Variants in MFHAS1 observed in about 807,000 individuals in gnomAD.
MFHAS1 encodes malignant fibrous histiocytoma-amplified sequence 1.
A neutral mutation model predicts 70.4 loss-of-function variants in MFHAS1; 50 were observed. The ratio of observed to expected loss-of-function variants is 0.71; its 90% confidence interval spans 0.57 to 0.90. The LOEUF (loss-of-function observed/expected upper bound fraction) is 0.90, where lower values mean the gene tolerates loss of function less well. Among genes scored for constraint, MFHAS1 ranks in the 40% least tolerant of loss-of-function variants. The pLI is 0.00. For missense variants in MFHAS1, 1,795 were observed against 1,347.6 expected (o/e 1.33, Z -5.20); for synonymous variants, 952 against 620.0 (o/e 1.54, Z -7.96).
rs138720400 is a variant in MFHAS1 at position 8,890,952 on chromosome 8, C to A, written c.2107G>T (p.Ala703Ser). Residue 703 changes from alanine (A) to serine (S), a missense_variant, in exon 1 of 3, where the codon GCC (alanine) becomes TCC (serine). Physicochemically the swap from Ala to Ser is moderately conservative, Grantham distance 99 (BLOSUM62 1). Transcript: ENST00000276282. Reference sequence around the variant, plus strand: ...CCGCTCTCATGCAGGTAGGAGAGGGCACTCTGCAGTCGGTCCTCGGTCAGA... The same window carrying A: ...CCGCTCTCATGCAGGTAGGAGAGGGAACTCTGCAGTCGGTCCTCGGTCAGA... Reference protein sequence around the residue: ...AGLTEDRLQSALSYLHESGKL... With the variant: ...AGLTEDRLQSSLSYLHESGKL... 1.4e-5 allele frequency: 23 copies of A among 1,613,894 alleles called. No homozygotes were observed. Among genetic ancestry groups the A allele is most frequent in the Non-Finnish European group, 1.9e-5 (23 of 1,180,030 alleles).
chr8:8,805,665 A>G lies in MFHAS1; in HGVS notation c.2999-8174T>C, dbSNP rs142555159. Among the ~76,000 whole-genome samples the G allele has an allele frequency of 3.3e-5, 5 of 152,190 alleles. No homozygotes were observed. In the East Asian group the frequency reaches 5.8e-4, roughly 18 times the overall value. ...CAAGGGTCAACTGCATTTCCCTTTC[A>G]TGACAACCTTTTGTTTGGAGGGTTT... On this transcript the variant is annotated intron_variant, in intron 1 of 2. Transcript: ENST00000276282.
At chr8:8,877,235 G>A (rs997949811) in intron 1 of MFHAS1, among the ~76,000 whole-genome samples, 1 of 146,956 alleles carries the variant, frequency 6.8e-6, no homozygotes, top group African/African-American at 2.5e-5. Flanking sequence ...AGAAGGTCAA[G>A]GCTTTAGTGA....
At chr8:8,833,727 C>T (rs976290815) in intron 1 of MFHAS1, among the ~76,000 whole-genome samples, 12 of 152,294 alleles carry the variant, frequency 7.9e-5, no homozygotes, top group African/African-American at 2.9e-4. Context: ...ACAATATATG[C>T]TTACACAAAG....
chr8:8,788,459 A>C (rs1010288177), intron 2 of MFHAS1, among the ~76,000 whole-genome samples: 2 of 152,218 alleles, frequency 1.3e-5, no homozygotes, highest in Non-Finnish European at 2.9e-5. Flanking sequence ...CAGGCAGATC[A>C]CCTGAGGTCA....
rs1487901294 is a variant in MFHAS1, at chr8:8,890,728, C to T, written c.2331G>A (p.Gln777=). ...GGAGCTGGGTGGCCCGGAGCAGTTC[C>T]TGGCTGGGGGTGGACCGCGCCATGG... is the stretch of plus-strand genomic sequence containing the variant. ...SPPMARSTPS[Q]ELLRATQLHQ... The change falls in exon 1 of 3, where the codon CAG becomes CAA. Residue 777 remains glutamine (Q), a synonymous_variant. Transcript: ENST00000276282. The T allele has an allele frequency of 5.0e-6, 8 of 1,613,614 alleles. No homozygotes were observed. The highest frequency in any genetic ancestry group is 1.7e-5 in the Admixed American group (1 of 59,978).
intron 1 of MFHAS1, among the ~76,000 whole-genome samples, chr8:8,855,128 A>C (rs963504237): frequency 3.9e-4 from 60 of 152,040 alleles, no homozygotes; most frequent in African/African-American, 1.4e-3. Context: ...ATTATTTTTT[A>C]TTTCTTGTTG....
chr8:8,891,507 A>G lies in MFHAS1; in HGVS notation c.1552T>C (p.Ser518Pro). The stretch of plus-strand genomic sequence containing the variant: ...CTCGCCCCGACCCGATGCAAGAAGG[A>G]GCCCACGGTGGTAGGAAAGTGGCGA... ...EPRHFPTTVG[S>P]FLHRVGARVP... Residue 518 changes from serine to proline, a missense_variant, in exon 1 of 3, where the codon TCC (serine) becomes CCC (proline). Transcript: ENST00000276282. The surrounding 1 kb of genome is among the most constrained non-coding windows in gnomAD (Gnocchi z 5.4). 1.2e-6 allele frequency: 2 copies of G among 1,613,084 alleles called. No homozygotes were observed. The highest frequency in any genetic ancestry group is 1.3e-5 in the African/African-American group (1 of 75,064).
At chr8:8,877,936 C>G (rs1429989962) in intron 1 of MFHAS1, among the ~76,000 whole-genome samples, 1 of 152,224 alleles carries the variant, frequency 6.6e-6, no homozygotes, top group African/African-American at 2.4e-5. Context: ...ATGCCCACCC[C>G]TAGGCCTGCT....
At chr8:8,794,249 G>C (rs917810175) in intron 2 of MFHAS1, among the ~76,000 whole-genome samples, 1 of 152,130 alleles carries the variant, frequency 6.6e-6, no homozygotes, top group African/African-American at 2.4e-5. Context: ...CTCGGCTGGA[G>C]TTGAAAGCCA....
intron 2 of MFHAS1, among the ~76,000 whole-genome samples, chr8:8,796,819 C>A (rs1805917444): frequency 1.3e-5 from 2 of 151,086 alleles, no homozygotes; most frequent in Non-Finnish European, 2.9e-5. Context: ...CAGGGTGAAA[C>A]CCTGTCTCTA....
intron 1 of MFHAS1, among the ~76,000 whole-genome samples, chr8:8,878,918 T>C (rs1359453156): frequency 6.6e-6 from 1 of 152,226 alleles, no homozygotes; most frequent in African/African-American, 2.4e-5. Flanking sequence ...CCAGCAGTCA[T>C]ATATTTTTAT....
At chr8:8,818,605 A>T (rs1806831062) in intron 1 of MFHAS1, among the ~76,000 whole-genome samples, 1 of 152,230 alleles carries the variant, frequency 6.6e-6, no homozygotes, top group South Asian at 2.1e-4. Context: ...TTATAGGAAC[A>T]CTACAAGAAT....
chr8:8,893,592 C>T lies in MFHAS1; in HGVS notation c.-534G>A, dbSNP rs903932202. 6.8e-6 allele frequency: 1 copy of T among 146,546 alleles called. No homozygotes were observed. Among genetic ancestry groups the T allele is most frequent in the Non-Finnish European group, 1.5e-5 (1 of 65,856 alleles). 9.1% of individuals were successfully genotyped at this position (146,546 alleles called of 1,614,324 possible). ...CGGGCTCGGGCGGGAGCGCGGGCGC[C>T]GCGTCCCCGGCGCTGGGAGGGCGCG... On this transcript the variant is annotated 5_prime_UTR_variant, in exon 1 of 3. Coordinates refer to ENST00000276282, the MANE Select transcript of MFHAS1 (RefSeq NM_004225.3).
At chr8:8,856,512 C>G (rs1808445605) in intron 1 of MFHAS1, among the ~76,000 whole-genome samples, 1 of 152,192 alleles carries the variant, frequency 6.6e-6, no homozygotes, top group Non-Finnish European at 1.5e-5. Flanking sequence ...CCAAACATAT[C>G]AGGTGAGGCT....
intron 1 of MFHAS1, among the ~76,000 whole-genome samples, chr8:8,823,902 C>A (rs569229643): frequency 3.2e-5 from 4 of 125,242 alleles, no homozygotes; most frequent in Non-Finnish European, 6.7e-5. Flanking sequence ...TATGAGTGAG[C>A]GCTCACAGAA....
intron 1 of MFHAS1, among the ~76,000 whole-genome samples, chr8:8,822,699 T>C (rs1392174900): frequency 9.1e-6 from 1 of 110,484 alleles, no homozygotes; most frequent in Non-Finnish European, 1.9e-5. Flanking sequence ...TCAGGGGGAC[T>C]GAGATGGGGG....
chr8:8,849,063 CCTTTTT>C (rs1319971458), intron 1 of MFHAS1, among the ~76,000 whole-genome samples: 10 of 109,752 alleles, frequency 9.1e-5, no homozygotes, highest in East Asian at 8.5e-4. Flanking sequence ...TTCCTTTTTA[CCTTTTT>C]TTTTTTTTTT....
intron 1 of MFHAS1, among the ~76,000 whole-genome samples, chr8:8,814,712 A>G (rs1806672660): frequency 6.6e-6 from 1 of 152,166 alleles, no homozygotes. Context: ...ATTTTTTTAA[A>G]TGGGTAAAGT....
At chr8:8,819,079 G>A (rs893030888) in intron 1 of MFHAS1, among the ~76,000 whole-genome samples, 1 of 151,700 alleles carries the variant, frequency 6.6e-6, no homozygotes. Context: ...AAATAAAGTC[G>A]GCTTATATAA....
Sources: allele counts gnomAD v4.1 joint callset (sites outside exome capture counted in the v4.1 genomes callset), GRCh38; gene constraint gnomAD v4.1.1; non-coding constraint Gnocchi (gnomAD v3.1); transcripts MANE v1.5; gene names NCBI Gene and HGNC (gene_info 2026-07-23, HGNC 2026-07-21).